Variants in PDE7B observed in about 807,000 individuals in gnomAD.
PDE7B encodes the protein 3',5'-cyclic-AMP phosphodiesterase 7B.
A neutral mutation model predicts 56.2 loss-of-function variants in PDE7B; 29 were observed. The ratio of observed to expected loss-of-function variants is 0.52; its 90% CI spans 0.38 to 0.70. The LOEUF (loss-of-function observed/expected upper bound fraction) is 0.70, where lower values mean the gene tolerates loss of function less well. Among genes scored for constraint, PDE7B ranks in the 30% least tolerant of loss-of-function variants. The pLI is 0.00. For synonymous variants in PDE7B, 197 were observed against 196.9 expected, an observed-to-expected ratio of 1.00 and a Z score of 0.00; for missense variants, 490 against 565.0, an observed-to-expected ratio of 0.87 and a Z score of 1.35.
chr6:136,015,618 T>C (rs900019889), intron 2 of PDE7B, among the ~76,000 whole-genome samples: 6 of 152,058 alleles, frequency 3.9e-5, no homozygotes, highest in Admixed American at 2.6e-4. Context: ...GAGGGGGAAA[T>C]TGTCAACTAT....
chr6:135,855,449 G>A (rs886864137), intron 1 of PDE7B, among the ~76,000 whole-genome samples: 4 of 152,026 alleles, frequency 2.6e-5, no homozygotes, highest in Admixed American at 2.0e-4. Context: ...TGCAGAGGAG[G>A]CAGCTCTATG....
chr6:135,979,929 T>A (rs199637782), intron 2 of PDE7B, among the ~76,000 whole-genome samples: 81 of 152,134 alleles, frequency 5.3e-4, no homozygotes, highest in East Asian at 2.7e-3. Flanking sequence ...TCACAGAATT[T>A]GAAAAAACTA....
At chr6:136,116,091 A>G (rs1201106845) in intron 3 of PDE7B, among the ~76,000 whole-genome samples, 1 of 152,228 alleles carries the variant, frequency 6.6e-6, no homozygotes, top group Non-Finnish European at 1.5e-5. Context: ...TAATTCTAAA[A>G]TAAGTAACAA....
chr6:135,921,508 T>G lies in PDE7B; in HGVS notation c.22-25956T>G, dbSNP rs908543667. ...CCTGCTTATTAAGCTGTTTCCATTA[T>G]GAGATGTTCCCCTATATTAAAATTT... On this transcript the variant is annotated intron_variant, in intron 1 of 12. Transcript: ENST00000308191. Among the ~76,000 whole-genome samples the G allele has an allele frequency of 4.6e-5, 7 of 152,294 alleles. No individual in the cohort carries two copies. The South Asian group carries it at 8.3e-4, about 18-fold the overall frequency.
At chr6:135,852,456 TTTC>T (rs1774958680) in intron 1 of PDE7B, among the ~76,000 whole-genome samples, 1 of 152,174 alleles carries the variant, frequency 6.6e-6, no homozygotes, top group Non-Finnish European at 1.5e-5. Flanking sequence ...AATTAGTTTT[TTTC>T]TTGAGTTTTT....
intron 2 of PDE7B, among the ~76,000 whole-genome samples, chr6:136,067,694 A>G (rs959528693): frequency 2.0e-5 from 3 of 152,218 alleles, no homozygotes; most frequent in Non-Finnish European, 4.4e-5. Flanking sequence ...GTTGATATAG[A>G]TGTGGCTTCA....
At chr6:135,983,858 T>G (rs918784457) in intron 2 of PDE7B, among the ~76,000 whole-genome samples, 1 of 152,242 alleles carries the variant, frequency 6.6e-6, no homozygotes, top group Non-Finnish European at 1.5e-5. Context: ...AGGAAGATGA[T>G]AGCTGCTTCC....
intron 1 of PDE7B, among the ~76,000 whole-genome samples, chr6:135,890,618 A>G (rs1353542677): frequency 6.6e-6 from 1 of 152,184 alleles, no homozygotes; most frequent in Non-Finnish European, 1.5e-5. Flanking sequence ...CCCTGAGATC[A>G]TTATATATCC....
intron 1 of PDE7B, among the ~76,000 whole-genome samples, chr6:135,910,085 T>G (rs1776186891): frequency 6.6e-6 from 1 of 152,206 alleles, no homozygotes; most frequent in Non-Finnish European, 1.5e-5. Context: ...TAAGGACACT[T>G]GAAATATGAG....
At chr6:136,039,939 A>G (rs1776387387) in intron 2 of PDE7B, among the ~76,000 whole-genome samples, 1 of 152,234 alleles carries the variant, frequency 6.6e-6, no homozygotes, top group Non-Finnish European at 1.5e-5. Flanking sequence ...GCACCCTTTG[A>G]TAAAACTATC....
intron 2 of PDE7B, among the ~76,000 whole-genome samples, chr6:136,029,982 G>A (rs565441560): frequency 7.2e-5 from 11 of 152,074 alleles, no homozygotes; most frequent in African/African-American, 9.7e-5. Flanking sequence ...TGCCATTACC[G>A]GGGAAAACAA....
chr6:135,938,005 A>G (rs1488592968), intron 1 of PDE7B, among the ~76,000 whole-genome samples: 1 of 152,158 alleles, frequency 6.6e-6, no homozygotes, highest in Non-Finnish European at 1.5e-5. Context: ...CTCATATATT[A>G]CATTTCTGTA....
chr6:135,860,280 T>C (rs1299285016), intron 1 of PDE7B, among the ~76,000 whole-genome samples: 1 of 152,062 alleles, frequency 6.6e-6, no homozygotes, highest in Non-Finnish European at 1.5e-5. Context: ...TGTTTTTATA[T>C]GCTTAAAATC....
chr6:136,112,037 C>T (rs1180367171), intron 3 of PDE7B, among the ~76,000 whole-genome samples: 1 of 152,174 alleles, frequency 6.6e-6, no homozygotes, highest in Non-Finnish European at 1.5e-5. Flanking sequence ...GAAACCCACA[C>T]AACTGCCATC....
intron 3 of PDE7B, among the ~76,000 whole-genome samples, chr6:136,120,308 CAT>C (rs1777908392): frequency 6.6e-6 from 1 of 152,124 alleles, no homozygotes; most frequent in Non-Finnish European, 1.5e-5. Context: ...TGCTTTCCAA[CAT>C]GTGGTTGTTA....
chr6:135,923,133 G>A (rs1172356338), intron 1 of PDE7B, among the ~76,000 whole-genome samples: 1 of 152,240 alleles, frequency 6.6e-6, no homozygotes, highest in Non-Finnish European at 1.5e-5. Context: ...GAAAGAAGCT[G>A]AAGTAGCCAA....
intron 2 of PDE7B, among the ~76,000 whole-genome samples, chr6:136,032,468 G>T (rs1776259758): frequency 6.6e-6 from 1 of 152,126 alleles, no homozygotes; most frequent in African/African-American, 2.4e-5. Flanking sequence ...CACATACATT[G>T]TTCTGTATCT....
Position 135,982,252 on chromosome 6 carries a change from G to A in PDE7B, c.82+34728G>A, listed in dbSNP as rs1355525349. On this transcript the variant is annotated intron_variant, in intron 2 of 12. Coordinates refer to ENST00000308191, the MANE Select transcript of PDE7B (RefSeq NM_018945.4). Reference sequence around the variant, plus strand: ...AGGACCTACCGCTTTGTAGAACTCAGGTTTAGTAAATCTCTTGCTGAGACT... The same window carrying A: ...AGGACCTACCGCTTTGTAGAACTCAAGTTTAGTAAATCTCTTGCTGAGACT... Among the ~76,000 whole-genome samples the A allele has an allele frequency of 2.0e-5, 3 of 152,158 alleles. No individual in the cohort carries two copies. The South Asian group carries it at 6.2e-4, about 32-fold the overall frequency.
Position 135,985,834 on chromosome 6 carries a change from C to T in PDE7B, c.82+38310C>T, listed in dbSNP as rs539340167. The stretch of plus-strand genomic sequence containing the variant: ...TAGAGAAGCATGCACTTTGATAGTC[C>T]CAACCAGGGTGGCCGTATACAGTGC... On this transcript the variant is annotated intron_variant, in intron 2 of 12. Transcript: ENST00000308191. Among the ~76,000 whole-genome samples, 6 of 152,256 alleles carry T rather than the reference C, an allele frequency of 3.9e-5. No individual in the cohort carries two copies. In the South Asian group the frequency reaches 1.2e-3, roughly 32 times the overall value.
Sources: gnomAD v4.1 joint callset for allele counts (sites outside exome capture counted in the v4.1 genomes callset) on GRCh38, gnomAD v4.1.1 for gene constraint, MANE v1.5 for transcripts, NCBI Gene and HGNC (gene_info 2026-07-23, HGNC 2026-07-21) for gene names.